PTPRG: variants seen among roughly 807,000 people sequenced by gnomAD.
The protein encoded by PTPRG is receptor-type tyrosine-protein phosphatase gamma.
A neutral mutation model predicts 165.3 loss-of-function variants in PTPRG; 102 were observed. The ratio of observed to expected loss-of-function variants is 0.62; its 90% confidence interval spans 0.53 to 0.73. The LOEUF (loss-of-function observed/expected upper bound fraction) is 0.73. Ranked by LOEUF, PTPRG falls within the 30% of genes least tolerant of loss-of-function variation. PTPRG has a pLI of 0.00. For missense variants in PTPRG, 1,866 were observed against 1,861.4 expected, an observed-to-expected ratio of 1.00 and a Z score of -0.05; for synonymous variants, 675 against 669.5, an observed-to-expected ratio of 1.01 and a Z score of -0.13.
intron 2 of PTPRG, among the ~76,000 whole-genome samples, chr3:61,834,865 C>A (rs966267799): frequency 6.6e-6 from 1 of 152,074 alleles, no homozygotes; most frequent in African/African-American, 2.4e-5. Flanking sequence ...AATTTTTTCT[C>A]ATCCTGGAAG....
chr3:61,592,641 C>CTTTTTTT (rs773860673), intron 1 of PTPRG, among the ~76,000 whole-genome samples: 85 of 139,970 alleles, frequency 6.1e-4, no homozygotes, highest in South Asian at 1.6e-3. Flanking sequence ...TTCTTTCTTT[C>CTTTTTTT]TTTCTTTCTT....
intron 2 of PTPRG, among the ~76,000 whole-genome samples, chr3:61,961,005 T>C (rs9837677): frequency 0.027 from 4,083 of 152,278 alleles, 218 homozygotes; most frequent in East Asian, 0.24. Context: ...AAAAATGTTT[T>C]GTCTTAGCAG....
intron 1 of PTPRG, among the ~76,000 whole-genome samples, chr3:61,605,340 C>G (rs1700972403): frequency 6.6e-6 from 1 of 152,090 alleles, no homozygotes; most frequent in Non-Finnish European, 1.5e-5. Flanking sequence ...ACTGCAACCT[C>G]TGCCTCCCAG....
At chr3:61,806,651 T>G (rs1367789405) in intron 2 of PTPRG, among the ~76,000 whole-genome samples, 2 of 152,182 alleles carry the variant, frequency 1.3e-5, no homozygotes, top group African/African-American at 4.8e-5. Flanking sequence ...CCTGTGTTGG[T>G]TATACCTATT....
chr3:61,758,259 T>C (rs1225148742), intron 2 of PTPRG, among the ~76,000 whole-genome samples: 1 of 152,098 alleles, frequency 6.6e-6, no homozygotes, highest in Non-Finnish European at 1.5e-5. Context: ...AGTGCTGGGA[T>C]TACAGGCATG....
At chr3:62,130,435 A>C (rs967362427) in intron 5 of PTPRG, among the ~76,000 whole-genome samples, 5 of 152,202 alleles carry the variant, frequency 3.3e-5, no homozygotes, top group African/African-American at 1.2e-4. Context: ...CTTTCCATAG[A>C]GGAGGGCAAA....
At chr3:61,769,570 G>T (rs2034142100) in intron 2 of PTPRG, 1 of 152,144 alleles carries the variant, frequency 6.6e-6, no homozygotes, top group African/African-American at 2.4e-5. Flanking sequence ...ACCACACTTA[G>T]ATGCCCACTA....
intron 2 of PTPRG, among the ~76,000 whole-genome samples, chr3:61,980,109 G>T (rs987451515): frequency 6.6e-6 from 1 of 152,246 alleles, no homozygotes. Flanking sequence ...TGTGGAGCAT[G>T]ATACTGAGTA....
intron 4 of PTPRG, among the ~76,000 whole-genome samples, chr3:62,025,962 T>C (rs1485528227): frequency 1.3e-5 from 2 of 152,224 alleles, no homozygotes; most frequent in Non-Finnish European, 2.9e-5. Flanking sequence ...ATTGCAATGC[T>C]TTATTGTCAT....
chr3:61,572,413 C>G (rs772439653), intron 1 of PTPRG, among the ~76,000 whole-genome samples: 2 of 151,968 alleles, frequency 1.3e-5, no homozygotes, highest in Admixed American at 1.3e-4. Flanking sequence ...AAATGAGAAA[C>G]GAAGCTCGTT....
chr3:61,814,595 T>A (rs116827029), intron 2 of PTPRG, among the ~76,000 whole-genome samples: 1,834 of 152,018 alleles, frequency 0.012, 34 homozygotes, highest in African/African-American at 0.041. Context: ...AACTGTGAGT[T>A]ACATGGGAGG....
At position 61,592,767 on chromosome 3, in the gene PTPRG, C is replaced by T. The variant is rs553998653; in HGVS notation, c.85+30395C>T. ...TTGAATTCTGGTGAAGGCAGTCCCA[C>T]AAGTTTGTGTTCCACCGGTTGAATA... On this transcript the variant is annotated intron_variant, in intron 1 of 29. Transcript: ENST00000474889. 3.3e-4 allele frequency among the ~76,000 whole-genome samples: 50 copies of T among 151,864 alleles called. No homozygotes were observed. In the South Asian group the frequency reaches 0.01, roughly 32 times the overall value.
rs376758485 is a variant in PTPRG, at chr3:62,240,178, C to T, written c.2376-3629C>T. ...AGATGCATATAGAATGATCTCATTT[C>T]GTTTTTTAAAAATAAAACCCCCATG... is the stretch of plus-strand genomic sequence containing the variant. On this transcript the variant is annotated intron_variant, in intron 14 of 29. Transcript: ENST00000474889. The surrounding 1 kb of genome is among the most constrained non-coding windows in gnomAD (Gnocchi z 5.1). Among the ~76,000 whole-genome samples the T allele has an allele frequency of 1.3e-5, 2 of 152,178 alleles. No individual in the cohort carries two copies. Among genetic ancestry groups the T allele is most frequent in the South Asian group, 2.1e-4 (1 of 4,812 alleles).
rs1240560097 is a variant in PTPRG, at chr3:61,672,585, C to T, written c.86-76293C>T. Among the ~76,000 whole-genome samples, 7 of 56,386 alleles carry T rather than the reference C, an allele frequency of 1.2e-4. No individual in the cohort carries two copies. In the South Asian group the frequency reaches 3.6e-3, roughly 29 times the overall value. The allele number at this position is 56,386 out of a possible 152,430, so 37.0% of individuals were successfully genotyped here. A position where few individuals can be genotyped will look rare whatever the true frequency, so the allele number is the denominator to read the frequency against. On this transcript the variant is annotated intron_variant, in intron 1 of 29. Transcript: ENST00000474889. The stretch of plus-strand genomic sequence containing the variant: ...AAATAAGAAAACCAGTCAGGCATGG[C>T]GGCGCCGCCTGCAATTGCAGGCACT...
intron 1 of PTPRG, among the ~76,000 whole-genome samples, chr3:61,590,051 A>G (rs1021609289): frequency 6.6e-6 from 1 of 152,052 alleles, no homozygotes; most frequent in Non-Finnish European, 1.5e-5. Flanking sequence ...GTGGTGACTC[A>G]GGATGACACA....
chr3:61,779,216 T>G (rs1407780183), intron 2 of PTPRG, among the ~76,000 whole-genome samples: 2 of 152,072 alleles, frequency 1.3e-5, no homozygotes, highest in African/African-American at 4.8e-5. Flanking sequence ...CTGCACAGAG[T>G]TGTACATTCT....
At chr3:61,856,409 A>G (rs1193932158) in intron 2 of PTPRG, among the ~76,000 whole-genome samples, 3 of 152,316 alleles carry the variant, frequency 2.0e-5, no homozygotes, top group South Asian at 2.1e-4. Flanking sequence ...AAGCTCTAGC[A>G]TAAGAACAAG....
At chr3:62,150,071 G>T (rs906641579) in intron 6 of PTPRG, among the ~76,000 whole-genome samples, 2 of 152,182 alleles carry the variant, frequency 1.3e-5, no homozygotes, top group Admixed American at 6.5e-5. Flanking sequence ...TTCCTTCTCA[G>T]TGATCCTGCC....
In PTPRG at chr3:62,224,076, G is replaced by T. The variant is rs898257098; in HGVS notation, c.2288+5093G>T. Among the ~76,000 whole-genome samples the T allele has an allele frequency of 6.6e-6, 1 of 152,156 alleles. No homozygotes were observed. The highest frequency in any genetic ancestry group is 2.4e-5 in the African/African-American group (1 of 41,440). On this transcript the variant is annotated intron_variant, in intron 13 of 29. Coordinates refer to ENST00000474889, the MANE Select transcript of PTPRG (RefSeq NM_002841.4). This position sits in a 1 kb window ranked among gnomAD's most constrained non-coding sequence, Gnocchi z 4.9. ...GGAAAGGGGTGACTATAATGTTAAT[G>T]AAATTGGTTTGGGTGATGCTCCTAA...
Sources: gnomAD v4.1 joint callset for allele counts (sites outside exome capture counted in the v4.1 genomes callset) on GRCh38, gnomAD v4.1.1 for gene constraint, Gnocchi (gnomAD v3.1) non-coding constraint, MANE v1.5 for transcripts, NCBI Gene and HGNC (gene_info 2026-07-23, HGNC 2026-07-21) for gene names.